The following IGFL3 variants were observed in gnomAD, a reference collection of about 807,000 sequenced individuals.
IGFL3 encodes the protein insulin growth factor-like family member 3.
Under a neutral mutation model 17.0 loss-of-function variants are expected in IGFL3, and 12 were observed. The observed-to-expected ratio is 0.71, with a 90% CI of 0.45 to 1.14. The LOEUF (loss-of-function observed/expected upper bound fraction) is 1.14, where lower values mean the gene tolerates loss of function less well. IGFL3 is among the 50% of genes most tolerant of loss of function. The pLI, the probability that IGFL3 is intolerant of heterozygous loss-of-function variation, is 0.00. For missense variants in IGFL3, 153 were observed against 151.6 expected, an observed-to-expected ratio of 1.01 and a Z score of -0.05; for synonymous variants, 52 against 57.4, an observed-to-expected ratio of 0.91 and a Z score of 0.42.
rs149837283 is a variant in IGFL3, at chr19:46,120,268, G to A, written c.*62C>T. 1.2e-5 allele frequency: 19 copies of A among 1,606,208 alleles called. No homozygotes were observed. The highest frequency in any genetic ancestry group is 2.7e-5 in the African/African-American group (2 of 73,392). On this transcript the variant is annotated 3_prime_UTR_variant, in exon 4 of 4. Coordinates refer to ENST00000341415, the MANE Select transcript of IGFL3 (RefSeq NM_207393.2). ...TCTCCGAAGTTCAACTGTAGTCTCC[G>A]ATGTCCAGCTGCTTCGTCTCTTCTC...
chr19:46,122,967 G>A (rs951612333), intron 3 of IGFL3, among the ~76,000 whole-genome samples: 3 of 150,450 alleles, frequency 2.0e-5, no homozygotes, highest in African/African-American at 7.4e-5. Context: ...CTTCTTTCCA[G>A]GGTAAAAAAA....
At chr19:46,121,629 A>G (rs1971776615) in intron 3 of IGFL3, among the ~76,000 whole-genome samples, 1 of 150,786 alleles carries the variant, frequency 6.6e-6, no homozygotes, top group Non-Finnish European at 1.5e-5. Flanking sequence ...GTCGCACGTG[A>G]CGACTATCTG....
rs1356190040 is a variant in IGFL3 at position 46,124,168 on chromosome 19, C to T, written c.80-12G>A. 1 of 1,610,308 alleles carries T rather than the reference C, an allele frequency of 6.2e-7. No individual in the cohort carries two copies. Among genetic ancestry groups the T allele is most frequent in the Admixed American group, 1.7e-5 (1 of 59,538 alleles). ...GCCAACAGGAGCGTCTGGGGGCAGA[C>T]ATTGATGGTGTACATCCAAGGAAGA... is the stretch of plus-strand genomic sequence containing the variant. On this transcript the variant is annotated splice_polypyrimidine_tract_variant and intron_variant, in intron 2 of 3. Coordinates refer to ENST00000341415, the MANE Select transcript of IGFL3 (RefSeq NM_207393.2).
rs753165775 is a variant in IGFL3 at position 46,123,902 on chromosome 19, A to T, written c.334T>A (p.Ser112Thr). ...MKSQCHLSPI[S>T]RSCTRNRRHV... ...GACCTTTACCTGGTACAGCTCCGGG[A>T]GATGGGAGATAAGTGACACTGAGAC... is the stretch of plus-strand genomic sequence containing the variant. The change falls in exon 3 of 4, where the codon TCC becomes ACC. Residue 112 changes from serine (S) to threonine (T), a missense_variant. By Grantham distance (58) the Ser-to-Thr change is moderately conservative (BLOSUM62 1). Coordinates refer to ENST00000341415, the MANE Select transcript of IGFL3 (RefSeq NM_207393.2). 1.2e-6 allele frequency: 2 copies of T among 1,610,514 alleles called. No individual in the cohort carries two copies. The highest frequency in any genetic ancestry group is 2.2e-5 in the South Asian group (2 of 90,746).
chr19:46,120,706 C>A (rs1971712279), intron 3 of IGFL3, among the ~76,000 whole-genome samples: 1 of 150,884 alleles, frequency 6.6e-6, no homozygotes, highest in Non-Finnish European at 1.5e-5. Context: ...GAGAAATTTA[C>A]CAAGGAGATA....
In IGFL3 at chr19:46,121,797, C is replaced by T. The variant is rs75324622; in HGVS notation, c.351-1440G>A. On this transcript the variant is annotated intron_variant, in intron 3 of 3. Coordinates refer to ENST00000341415, the MANE Select transcript of IGFL3 (RefSeq NM_207393.2). Reference sequence around the variant, plus strand: ...GGCAAAACAGCAAGTGCGGAGCTGACTGCAAAGAGACAAAGGCTTGCTGGG... The same window carrying T: ...GGCAAAACAGCAAGTGCGGAGCTGATTGCAAAGAGACAAAGGCTTGCTGGG... Among the ~76,000 whole-genome samples, 1,086 of 151,082 alleles carry T rather than the reference C, an allele frequency of 7.2e-3. 78 individuals are homozygous for T. Among genetic ancestry groups the T allele is most frequent in the African/African-American group, 0.025 (1,021 of 40,760 alleles).
chr19:46,121,529 C>T (rs1454837697), intron 3 of IGFL3, among the ~76,000 whole-genome samples: 1 of 150,428 alleles, frequency 6.6e-6, no homozygotes, highest in Non-Finnish European at 1.5e-5. Flanking sequence ...TATTTTCTCT[C>T]AGCTGTGGAG....
intron 3 of IGFL3, 146 bp from the exon 4 acceptor site, chr19:46,120,503 C>A: frequency 1.6e-6 from 2 of 1,218,654 alleles, no homozygotes; most frequent in African/African-American, 1.6e-5. Context: ...AGGACACAGT[C>A]ACCATGAAAA....
In IGFL3 at chr19:46,123,087, A is replaced by G. The variant is rs371294208; in HGVS notation, c.350+799T>C. On this transcript the variant is annotated intron_variant, in intron 3 of 3. Coordinates refer to ENST00000341415, the MANE Select transcript of IGFL3 (RefSeq NM_207393.2). ...CTAAAGATTGGTATACCACCACTGC[A>G]CCAGAATTTTTAATTATTCCAACAG... is the stretch of plus-strand genomic sequence containing the variant. Among the ~76,000 whole-genome samples, 223 of 151,120 alleles carry G rather than the reference A, an allele frequency of 1.5e-3. 11 individuals are homozygous for G. Among genetic ancestry groups the G allele is most frequent in the African/African-American group, 5.2e-3 (212 of 40,802 alleles).
Position 46,123,898 on chromosome 19 carries a change from C to T in IGFL3, c.338G>A (p.Arg113Gln), listed in dbSNP as rs759085495. The change falls in exon 3 of 4, where the codon CGG becomes CAG. Residue 113 changes from arginine to glutamine, a missense_variant. Coordinates refer to ENST00000341415, the MANE Select transcript of IGFL3 (RefSeq NM_207393.2). ...TAGGGACCTTTACCTGGTACAGCTCCGGGAGATGGGAGATAAGTGACACTG... is the reference window on the plus strand; with the variant it reads ...TAGGGACCTTTACCTGGTACAGCTCTGGGAGATGGGAGATAAGTGACACTG... Reference protein sequence around the residue: ...KSQCHLSPISRSCTRNRRHVL... With the variant: ...KSQCHLSPISQSCTRNRRHVL... 2.0e-5 allele frequency: 32 copies of T among 1,610,150 alleles called. No individual in the cohort carries two copies. The highest frequency in any genetic ancestry group is 3.4e-5 in the Admixed American group (2 of 59,516).
rs1971933597 is a variant in IGFL3, at chr19:46,123,942, C to T, written c.294G>A (p.Arg98=). The T allele has an allele frequency of 6.2e-7, 1 of 1,611,338 alleles. No homozygotes were observed. Among genetic ancestry groups the T allele is most frequent in the Admixed American group, 1.7e-5 (1 of 59,656 alleles). The change falls in exon 3 of 4, where the codon AGG becomes AGA. Residue 98 remains arginine (R), a synonymous_variant. Coordinates refer to ENST00000341415, the MANE Select transcript of IGFL3 (RefSeq NM_207393.2). ...GACACTGAGACTTCATACCCAGAAC[C>T]CTCAACTTCACAAGAAACTTCTGCT... ...GPQQKFLVKL[R]VLGMKSQCHL...
At chr19:46,124,392 A>C in intron 1 of IGFL3, 71 bp from the exon 2 acceptor site, 5 of 1,469,560 alleles carry the variant, frequency 3.4e-6, no homozygotes, top group South Asian at 1.2e-5. Context: ...CAAACAAACA[A>C]ACAAACAGAG....
At position 46,121,407 on chromosome 19, in the gene IGFL3, AAAG is replaced by A. The variant is rs1410269916; in HGVS notation, c.351-1053_351-1051del. ...AGATCCTGTCTTGAAAAAAAAAAAAAAAGAAGAAGAAAAGAAAATTTCTAAGAT... is the reference window on the plus strand; with the variant it reads ...AGATCCTGTCTTGAAAAAAAAAAAAAAAGAAGAAAAGAAAATTTCTAAGAT... On this transcript the variant is annotated intron_variant, in intron 3 of 3. Transcript: ENST00000341415. Among the ~76,000 whole-genome samples the A allele has an allele frequency of 1.2e-3, 183 of 148,802 alleles. 4 individuals are homozygous for A. The highest frequency in any genetic ancestry group is 4.3e-3 in the African/African-American group (169 of 39,720).
chr19:46,121,246 G>C (rs1057130230), intron 3 of IGFL3, among the ~76,000 whole-genome samples: 2 of 148,646 alleles, frequency 1.3e-5, no homozygotes, highest in African/African-American at 5.0e-5. Flanking sequence ...AAGTTAGCCA[G>C]ATGTGGTGGC....
chr19:46,121,024 AATTT>A (rs1191791657), intron 3 of IGFL3, among the ~76,000 whole-genome samples: 4 of 150,490 alleles, frequency 2.7e-5, no homozygotes, highest in African/African-American at 9.9e-5. Context: ...TTTTTAAAAT[AATTT>A]ATTTGCATTT....
intron 3 of IGFL3, among the ~76,000 whole-genome samples, chr19:46,123,564 T>A (rs1971903647): frequency 6.6e-6 from 1 of 150,662 alleles, no homozygotes. Context: ...AACATCTTTG[T>A]CTTCCTGACA....
intron 3 of IGFL3, among the ~76,000 whole-genome samples, chr19:46,121,565 CAA>C (rs1216367021): frequency 1.3e-5 from 2 of 150,036 alleles, no homozygotes; most frequent in African/African-American, 2.5e-5. Flanking sequence ...AATTATGAGA[CAA>C]AGACAAGAAG....
intron 1 of IGFL3, 114 bp from the exon 2 acceptor site, chr19:46,124,435 T>C (rs1418526406): frequency 2.4e-6 from 3 of 1,265,046 alleles, no homozygotes; most frequent in African/African-American, 3.0e-5. Flanking sequence ...GATTATCACT[T>C]GGGGCTAAGT....
rs1376066772 is a variant in IGFL3, at chr19:46,124,252, C to A, written c.79+16G>T. On this transcript the variant is annotated intron_variant, in intron 2 of 3. Coordinates refer to ENST00000341415, the MANE Select transcript of IGFL3 (RefSeq NM_207393.2). ...ACCACCTCTTCCCTCCTCATTTTTC[C>A]CTGTCCTGTCCTTACCTGTAGTTCC... 1 of 1,609,884 alleles carries A rather than the reference C, an allele frequency of 6.2e-7. No homozygotes were observed.
Sources: allele counts gnomAD v4.1 joint callset (sites outside exome capture counted in the v4.1 genomes callset), GRCh38; gene constraint gnomAD v4.1.1; transcripts MANE v1.5; gene names NCBI Gene and HGNC (gene_info 2026-07-23, HGNC 2026-07-21).